ANKS1B: variants seen among roughly 807,000 people sequenced by gnomAD.
ANKS1B encodes ankyrin repeat and sterile alpha motif domain containing 1B.
ANKS1B carries 36 observed loss-of-function variants against 148.3 expected under a neutral mutation model. The observed-to-expected ratio is 0.24, with a 90% CI of 0.19 to 0.32. ANKS1B has a LOEUF of 0.32. Among genes scored for constraint, ANKS1B ranks in the 10% least tolerant of loss-of-function variants. ANKS1B has a pLI of 1.00. For missense variants in ANKS1B, 1,157 were observed against 1,542.6 expected (o/e 0.75, Z 4.19); for synonymous variants, 542 against 560.8 (o/e 0.97, Z 0.47).
intron 11 of ANKS1B, among the ~76,000 whole-genome samples, chr12:99,433,298 T>C (rs1286401110): frequency 5.3e-5 from 8 of 152,162 alleles, no homozygotes; most frequent in African/African-American, 1.7e-4. Context: ...TCTTTAAGCA[T>C]AATACACAAG....
chr12:99,363,732 A>G (rs1006742092), intron 12 of ANKS1B, among the ~76,000 whole-genome samples: 3 of 152,188 alleles, frequency 2.0e-5, no homozygotes, highest in Non-Finnish European at 4.4e-5. Context: ...ATAGGATAAT[A>G]CAAACTATTT....
rs571432495 is a variant in ANKS1B at position 98,990,330 on chromosome 12, G to A, written c.2778+62827C>T. 7.5e-4 allele frequency among the ~76,000 whole-genome samples: 114 copies of A among 151,584 alleles called. 1 individual carries two copies. Among genetic ancestry groups the A allele is most frequent in the African/African-American group, 2.4e-3 (100 of 41,196 alleles). ...TAGCTTGCTTTTTGGGTACGGAAACGCTACTGATTTTTTTTTTCCCAACAA... is the reference window on the plus strand; with the variant it reads ...TAGCTTGCTTTTTGGGTACGGAAACACTACTGATTTTTTTTTTCCCAACAA... On this transcript the variant is annotated intron_variant, in intron 17 of 26. Coordinates refer to ENST00000683438, the MANE Select transcript of ANKS1B (RefSeq NM_001352186.2).
chr12:99,282,694 G>A (rs2078636353), intron 12 of ANKS1B, among the ~76,000 whole-genome samples: 1 of 152,250 alleles, frequency 6.6e-6, no homozygotes, highest in East Asian at 1.9e-4. Context: ...TCAAAAAAAA[G>A]AGGTGCTAAA....
intron 17 of ANKS1B, among the ~76,000 whole-genome samples, chr12:98,898,734 GT>G (rs1460423795): frequency 6.6e-6 from 1 of 152,116 alleles, no homozygotes; most frequent in Non-Finnish European, 1.5e-5. Context: ...GTTCATTTAT[GT>G]GGAGTGTATC....
At chr12:99,117,189 T>A (rs2061621046) in intron 15 of ANKS1B, among the ~76,000 whole-genome samples, 2 of 152,220 alleles carry the variant, frequency 1.3e-5, no homozygotes. Flanking sequence ...ATACGCTTTA[T>A]TTCTTTGTCT....
chr12:99,013,403 CTGTT>C (rs2099940600), intron 17 of ANKS1B, among the ~76,000 whole-genome samples: 1 of 151,484 alleles, frequency 6.6e-6, no homozygotes, highest in Non-Finnish European at 1.5e-5. Context: ...ATTTATTAGT[CTGTT>C]TATCACATTT....
chr12:99,479,511 TG>T (rs1193332782), intron 10 of ANKS1B, among the ~76,000 whole-genome samples: 2 of 152,030 alleles, frequency 1.3e-5, no homozygotes, highest in African/African-American at 4.8e-5. Flanking sequence ...ACAGAAAATG[TG>T]GCATGTATAT....
chr12:99,473,263 A>G (rs1252018175), intron 10 of ANKS1B, among the ~76,000 whole-genome samples: 1 of 152,050 alleles, frequency 6.6e-6, no homozygotes, highest in African/African-American at 2.4e-5. Flanking sequence ...CACTTTCAAT[A>G]TAGATCCACA....
chr12:99,627,342 T>G (rs1359545270), intron 9 of ANKS1B, among the ~76,000 whole-genome samples: 1 of 152,228 alleles, frequency 6.6e-6, no homozygotes, highest in Non-Finnish European at 1.5e-5. Flanking sequence ...AATGCATCCT[T>G]TAGCTATAAT....
intron 9 of ANKS1B, among the ~76,000 whole-genome samples, chr12:99,517,121 C>T (rs2096829342): frequency 6.6e-6 from 1 of 152,120 alleles, no homozygotes; most frequent in South Asian, 2.1e-4. Flanking sequence ...GATATTTCAA[C>T]AATACTGATT....
At chr12:99,238,542 G>C (rs1907673) in intron 14 of ANKS1B, among the ~76,000 whole-genome samples, 1 of 152,058 alleles carries the variant, frequency 6.6e-6, no homozygotes, top group Non-Finnish European at 1.5e-5. Flanking sequence ...CTGACAGCTC[G>C]GAAGAAAGCA....
chr12:99,630,225 C>A (rs2098144123), intron 9 of ANKS1B, among the ~76,000 whole-genome samples: 1 of 152,022 alleles, frequency 6.6e-6, no homozygotes, highest in African/African-American at 2.4e-5. Flanking sequence ...TCAGAATAAG[C>A]TACAATAGAA....
At chr12:99,430,659 T>C (rs536225624) in intron 11 of ANKS1B, among the ~76,000 whole-genome samples, 6 of 152,174 alleles carry the variant, frequency 3.9e-5, no homozygotes, top group South Asian at 2.1e-4. Flanking sequence ...TAAAACGACA[T>C]TGGGGAAGGA....
chr12:99,348,389 A>G (rs1255009449), intron 12 of ANKS1B, among the ~76,000 whole-genome samples: 1 of 151,902 alleles, frequency 6.6e-6, no homozygotes, highest in African/African-American at 2.4e-5. Flanking sequence ...AGACAAAAAA[A>G]TAAAAAAACT....
intron 1 of ANKS1B, among the ~76,000 whole-genome samples, chr12:99,928,455 T>G (rs2094530765): frequency 6.6e-6 from 1 of 151,170 alleles, no homozygotes; most frequent in South Asian, 2.1e-4. Context: ...ATTTTTTGTA[T>G]TTTTAGTAGA....
intron 15 of ANKS1B, among the ~76,000 whole-genome samples, chr12:99,149,481 T>C (rs983975187): frequency 6.6e-6 from 1 of 152,164 alleles, no homozygotes; most frequent in African/African-American, 2.4e-5. Context: ...ATTATTGTTA[T>C]TTCTTATTCT....
At chr12:99,696,124 GA>G (rs958163980) in intron 8 of ANKS1B, among the ~76,000 whole-genome samples, 3 of 151,958 alleles carry the variant, frequency 2.0e-5, no homozygotes, top group Admixed American at 1.3e-4. Context: ...ATTAAAAAGA[GA>G]AATTTTTTTT....
intron 14 of ANKS1B, among the ~76,000 whole-genome samples, chr12:99,165,115 C>T (rs190628365): frequency 5.9e-5 from 9 of 151,996 alleles, no homozygotes; most frequent in Admixed American, 5.9e-4. Flanking sequence ...CACTAAATGC[C>T]TATATTAGAC....
intron 17 of ANKS1B, among the ~76,000 whole-genome samples, chr12:98,973,797 ATAAAT>A (rs1379511311): frequency 6.6e-6 from 1 of 152,132 alleles, no homozygotes; most frequent in African/African-American, 2.4e-5. Flanking sequence ...TGCTTAGCTG[ATAAAT>A]TAAACTTTAT....
Sources: allele counts gnomAD v4.1 joint callset (sites outside exome capture counted in the v4.1 genomes callset), GRCh38; gene constraint gnomAD v4.1.1; transcripts MANE v1.5; gene names NCBI Gene and HGNC (gene_info 2026-07-23, HGNC 2026-07-21).